Variants in SMURF1 observed in about 807,000 individuals in gnomAD.
SMURF1 encodes E3 ubiquitin-protein ligase SMURF1.
Under a neutral mutation model 98.0 loss-of-function variants are expected in SMURF1, and 44 were observed. The observed-to-expected ratio is 0.45, with a 90% CI of 0.35 to 0.58. The LOEUF is 0.58. SMURF1 is among the 20% of genes least tolerant of loss of function. The probability of loss-of-function intolerance (pLI) is 0.00; values close to 1 mark genes in which losing one functional copy is unlikely to be tolerated. For synonymous variants in SMURF1, 396 were observed against 374.9 expected (o/e 1.06, Z -0.65); for missense variants, 687 against 938.4 (o/e 0.73, Z 3.50).
At chr7:99,097,803 G>A (rs950070466) in intron 1 of SMURF1, among the ~76,000 whole-genome samples, 1 of 152,200 alleles carries the variant, frequency 6.6e-6, no homozygotes, top group African/African-American at 2.4e-5. Flanking sequence ...TGAAACTGCA[G>A]AAAGTGAAAT....
intron 1 of SMURF1, among the ~76,000 whole-genome samples, chr7:99,104,771 T>C (rs1242978056): frequency 6.6e-6 from 1 of 152,204 alleles, no homozygotes; most frequent in African/African-American, 2.4e-5. Context: ...AGCAGTTATA[T>C]GAGGAGAGTA....
At chr7:99,102,570 C>T (rs912930656) in intron 1 of SMURF1, among the ~76,000 whole-genome samples, 13 of 151,824 alleles carry the variant, frequency 8.6e-5, no homozygotes, top group Non-Finnish European at 1.8e-4. Flanking sequence ...CTGTGTCAAA[C>T]GGATGATTCA....
intron 1 of SMURF1, among the ~76,000 whole-genome samples, chr7:99,114,520 C>T (rs955178328): frequency 2.0e-5 from 3 of 152,032 alleles, no homozygotes; most frequent in Non-Finnish European, 4.4e-5. Flanking sequence ...AGGAAAAAAA[C>T]TAACAAAATT....
rs1795337447 is a variant in SMURF1 at position 99,040,567 on chromosome 7, C to A, written c.1372-11G>T. The A allele has an allele frequency of 7.1e-7, 1 of 1,414,192 alleles. No individual in the cohort carries two copies. Among genetic ancestry groups the A allele is most frequent in the South Asian group, 1.7e-5 (1 of 59,160 alleles). The allele number at this position is 1,414,192 out of a possible 1,614,324, so 87.6% of individuals were successfully genotyped here. ...ATAAGACAAGTGGTCCTGTAGGGGGCACCAGAGAACACGAATTTGTCAGCA... is the reference window on the plus strand; with the variant it reads ...ATAAGACAAGTGGTCCTGTAGGGGGAACCAGAGAACACGAATTTGTCAGCA... On this transcript the variant is annotated splice_polypyrimidine_tract_variant and intron_variant, in intron 12 of 17. Coordinates refer to ENST00000361368, the MANE Select transcript of SMURF1 (RefSeq NM_181349.3).
chr7:99,060,753 T>C (rs769842925), intron 2 of SMURF1, 46 bp from the exon 3 acceptor site: 7 of 1,268,010 alleles, frequency 5.5e-6, no homozygotes, highest in African/African-American at 2.9e-5. Context: ...CTCACATCCA[T>C]CCATGTGACA....
chr7:99,064,810 T>A (rs1796147765), intron 1 of SMURF1, among the ~76,000 whole-genome samples: 1 of 152,236 alleles, frequency 6.6e-6, no homozygotes, highest in Admixed American at 6.5e-5. Context: ...TGCTGATGTT[T>A]CATTTCTTGT....
intron 6 of SMURF1, among the ~76,000 whole-genome samples, chr7:99,054,523 G>T (rs977630090): frequency 2.0e-5 from 3 of 151,970 alleles, no homozygotes; most frequent in Non-Finnish European, 2.9e-5. Flanking sequence ...AGCCAGGATG[G>T]TCTCAATCTC....
In SMURF1 at chr7:99,104,860, C is replaced by A. The variant is rs950358246; in HGVS notation, c.55+38866G>T. Among the ~76,000 whole-genome samples the A allele has an allele frequency of 5.3e-5, 8 of 152,292 alleles. No individual in the cohort carries two copies. The East Asian group carries it at 1.4e-3, about 26-fold the overall frequency. On this transcript the variant is annotated intron_variant, in intron 1 of 17. Transcript: ENST00000361368. ...GGCTTCACGCAGACCAGGCTGTTTG[C>A]CTATGACCAGGATGCTGGTTTCCTG...
At chr7:99,097,572 CAAG>C (rs1796982559) in intron 1 of SMURF1, among the ~76,000 whole-genome samples, 1 of 152,186 alleles carries the variant, frequency 6.6e-6, no homozygotes, top group African/African-American at 2.4e-5. Flanking sequence ...AATGACGCCA[CAAG>C]AAGGCCCTTG....
rs920485556 is a variant in SMURF1 at position 99,142,536 on chromosome 7, A to G, written c.55+1190T>C. On this transcript the variant is annotated intron_variant, in intron 1 of 17. Coordinates refer to ENST00000361368, the MANE Select transcript of SMURF1 (RefSeq NM_181349.3). ...TCAGGCTGAAGGAAAGAAAGGGTGG[A>G]GGCCTCGCCAGACAGCAGCGAGGGG... Among the ~76,000 whole-genome samples, 4 of 141,128 alleles carry G rather than the reference A, an allele frequency of 2.8e-5. No homozygotes were observed. In the East Asian group the frequency reaches 8.6e-4, roughly 30 times the overall value. The allele number at this position is 141,128 out of a possible 152,430, so 92.6% of individuals were successfully genotyped here.
At chr7:99,090,138 G>A (rs562494202) in intron 1 of SMURF1, among the ~76,000 whole-genome samples, 5 of 152,292 alleles carry the variant, frequency 3.3e-5, no homozygotes, top group Admixed American at 6.5e-5. Context: ...TGCTTCCCAC[G>A]CGCACTACTG....
At chr7:99,117,073 G>C (rs1311902559) in intron 1 of SMURF1, among the ~76,000 whole-genome samples, 1 of 151,518 alleles carries the variant, frequency 6.6e-6, no homozygotes, top group Non-Finnish European at 1.5e-5. Flanking sequence ...TTTTCAAGAG[G>C]GTGCCAATAC....
At chr7:99,036,667 T>A (rs1795157283) in intron 15 of SMURF1, among the ~76,000 whole-genome samples, 1 of 151,984 alleles carries the variant, frequency 6.6e-6, no homozygotes, top group Admixed American at 6.6e-5. Flanking sequence ...GCAGTATGAC[T>A]AGAGAAGACA....
chr7:99,043,255 G>A (rs1795452424), intron 11 of SMURF1, among the ~76,000 whole-genome samples: 1 of 152,182 alleles, frequency 6.6e-6, no homozygotes, highest in Non-Finnish European at 1.5e-5. Flanking sequence ...CTACAGAAAG[G>A]ACTTCAGGAC....
rs1795102710 is a variant in SMURF1, at chr7:99,035,548, G to A, written c.1978C>T (p.Arg660Ter). The A allele has an allele frequency of 1.9e-6, 3 of 1,614,202 alleles. No individual in the cohort carries two copies. Among genetic ancestry groups the A allele is most frequent in the Non-Finnish European group, 2.5e-6 (3 of 1,180,044 alleles). Reference protein sequence around the residue: ...RLLQFVTGSTRVPLQGFKALQ... With the variant: ...RLLQFVTGST ...GCCTTGAAGCCTTGGAGCGGGACTC[G>A]CGTGGACCCAGTCACAAACTGCAGG... Residue 660 changes from arginine (R) to a stop codon, truncating the protein, a stop_gained, in exon 16 of 18, where the codon CGA becomes TGA. Coordinates refer to ENST00000361368, the MANE Select transcript of SMURF1 (RefSeq NM_181349.3). LOFTEE classifies it high-confidence loss of function.
chr7:99,068,932 A>G (rs1241668900), intron 1 of SMURF1, among the ~76,000 whole-genome samples: 1 of 152,154 alleles, frequency 6.6e-6, no homozygotes, highest in African/African-American at 2.4e-5. Flanking sequence ...CACTCAAGCC[A>G]GTGTTTCCCA....
intron 1 of SMURF1, among the ~76,000 whole-genome samples, chr7:99,113,837 T>TA (rs71118659): frequency 0.023 from 792 of 33,974 alleles, 67 homozygotes; most frequent in African/African-American, 0.03. Flanking sequence ...AGACTCCGTC[T>TA]AAAAAAAAAA....
rs374271647 is a variant in SMURF1 at position 99,052,457 on chromosome 7, C to T, written c.480-11G>A. On this transcript the variant is annotated splice_polypyrimidine_tract_variant and intron_variant, in intron 6 of 17. Coordinates refer to ENST00000361368, the MANE Select transcript of SMURF1 (RefSeq NM_181349.3). Reference sequence around the variant, plus strand: ...TCTTCATACACCGTTCTGAAAGGGACGAGAGCAGGCAGGCATGGTGTCACC... The same window carrying T: ...TCTTCATACACCGTTCTGAAAGGGATGAGAGCAGGCAGGCATGGTGTCACC... 24 of 1,518,374 alleles carry T rather than the reference C, an allele frequency of 1.6e-5. No homozygotes were observed. Among genetic ancestry groups the T allele is most frequent in the African/African-American group, 1.2e-4 (9 of 72,282 alleles). 94.1% of individuals were successfully genotyped at this position (1,518,374 alleles called of 1,614,324 possible). A position where few individuals can be genotyped will look rare whatever the true frequency, so the allele number is the denominator to read the frequency against.
intron 1 of SMURF1, among the ~76,000 whole-genome samples, chr7:99,111,291 G>T (rs945556073): frequency 6.6e-6 from 1 of 152,148 alleles, no homozygotes; most frequent in African/African-American, 2.4e-5. Context: ...ACCAAAAAGA[G>T]ATGGCATGTA....
Sources: gnomAD v4.1 joint callset for allele counts (sites outside exome capture counted in the v4.1 genomes callset) on GRCh38, gnomAD v4.1.1 for gene constraint, MANE v1.5 for transcripts, NCBI Gene and HGNC (gene_info 2026-07-23, HGNC 2026-07-21) for gene names.